The following GEN1 variants were observed in gnomAD, a reference collection of about 807,000 sequenced individuals.
GEN1 encodes GEN1 structure-specific endonuclease, also known as flap endonuclease GEN homolog 1.
In GEN1, 64 loss-of-function variants were observed where a neutral mutation model predicts 67.6. The ratio of observed to expected loss-of-function variants is 0.95; its 90% CI spans 0.77 to 1.17. The LOEUF (loss-of-function observed/expected upper bound fraction) is 1.17, where lower values mean the gene tolerates loss of function less well. Among genes scored for constraint, GEN1 ranks in the 50% most tolerant of loss-of-function variants. The pLI, the probability that GEN1 is intolerant of heterozygous loss-of-function variation, is 0.00. For synonymous variants in GEN1, 371 were observed against 359.4 expected (o/e 1.03, Z -0.37); for missense variants, 1,058 against 1,048.3 (o/e 1.01, Z -0.13).
chr2:17,782,221 C>T lies in GEN1; in HGVS notation c.*282C>T. 1 of 216,420 alleles carries T rather than the reference C, an allele frequency of 4.6e-6. No individual in the cohort carries two copies. The highest frequency in any genetic ancestry group is 9.0e-6 in the Non-Finnish European group (1 of 110,914). The allele number at this position is 216,420 out of a possible 1,614,324, so 13.4% of individuals were successfully genotyped here. On this transcript the variant is annotated 3_prime_UTR_variant, in exon 14 of 14. Coordinates refer to ENST00000381254, the MANE Select transcript of GEN1 (RefSeq NM_001130009.3). ...GGTATAGTACTTGACAGAGTAAATA[C>T]TTCATCTGATTGTTCATTTTTACTT...
At chr2:17,754,419 G>T (rs376475943) in intron 1 of GEN1, 74 bp downstream of exon 1, 1 of 152,072 alleles carries the variant, frequency 6.6e-6, no homozygotes, top group Admixed American at 6.5e-5. Context: ...TCTGGCTTAC[G>T]GACGAGCTCT....
chr2:17,763,643 C>G (rs1047587847), intron 3 of GEN1, among the ~76,000 whole-genome samples: 1 of 152,162 alleles, frequency 6.6e-6, no homozygotes, highest in African/African-American at 2.4e-5. Context: ...TTGCAACAGC[C>G]TTATAGGAAA....
chr2:17,772,726 G>T lies in GEN1; in HGVS notation c.895G>T (p.Glu299Ter). The T allele has an allele frequency of 1.2e-6, 2 of 1,612,114 alleles. No individual in the cohort carries two copies. The highest frequency in any genetic ancestry group is 1.7e-6 in the Non-Finnish European group (2 of 1,178,610). The change falls in exon 8 of 14, where the codon GAG becomes TAG. Residue 299 changes from glutamate to a stop codon, truncating the protein, a stop_gained. Transcript: ENST00000381254. LOFTEE classifies it high-confidence loss of function. ...TGACTATGAATACTGCTGTCCTTGTGAGTGGCACCGTACAGAACATGATAG... is the reference window on the plus strand; with the variant it reads ...TGACTATGAATACTGCTGTCCTTGTTAGTGGCACCGTACAGAACATGATAG... ...PHDYEYCCPCEWHRTEHDRQL... is the reference protein window; with the variant it reads ...PHDYEYCCPC
Position 17,781,254 on chromosome 2 carries a change from AATT to A in GEN1, c.2045_2047del (p.Leu682del), listed in dbSNP as rs1190529312. On this transcript the variant is annotated inframe_deletion, in exon 14 of 14. Coordinates refer to ENST00000381254, the MANE Select transcript of GEN1 (RefSeq NM_001130009.3). ...CCTTTAAAGGAACGAATATTTACAAAATTATCATATCCTCAGGATAATCTACAA... is the reference window on the plus strand; with the variant it reads ...CCTTTAAAGGAACGAATATTTACAAAATCATATCCTCAGGATAATCTACAA... The A allele has an allele frequency of 6.2e-7, 1 of 1,613,506 alleles. No individual in the cohort carries two copies. Among genetic ancestry groups the A allele is most frequent in the Non-Finnish European group, 8.5e-7 (1 of 1,179,614 alleles).
At chr2:17,772,540 A>G in intron 7 of GEN1, 94 bp from the exon 8 acceptor site, 1 of 1,127,944 alleles carries the variant, frequency 8.9e-7, no homozygotes, top group East Asian at 2.5e-5. Flanking sequence ...GGCAATATTA[A>G]TTTTGGAAAA....
At position 17,765,748 on chromosome 2, in the gene GEN1, A is replaced by C. The variant is rs532044625; in HGVS notation, c.525+675A>C. 2.6e-5 allele frequency among the ~76,000 whole-genome samples: 4 copies of C among 152,366 alleles called. No homozygotes were observed. The East Asian group carries it at 7.7e-4, about 29-fold the overall frequency. ...AGTCATTGAAAAGGCTATTATTGAC[A>C]TAAAAGATATCCAGACATATTAATG... is the stretch of plus-strand genomic sequence containing the variant. On this transcript the variant is annotated intron_variant, in intron 4 of 13. Transcript: ENST00000381254.
rs1243670341 is a variant in GEN1 at position 17,784,378 on chromosome 2, G to A, written c.*2439G>A. The stretch of plus-strand genomic sequence containing the variant: ...CATGCTGGTAGGAATGTAAAATGGG[G>A]CAGCCACTTTGGAAAAAGTCTGGTA... On this transcript the variant is annotated 3_prime_UTR_variant, in exon 14 of 14. Coordinates refer to ENST00000381254, the MANE Select transcript of GEN1 (RefSeq NM_001130009.3). The A allele has an allele frequency of 6.6e-6, 1 of 152,172 alleles. No homozygotes were observed. The highest frequency in any genetic ancestry group is 2.1e-4 in the South Asian group (1 of 4,828). 9.4% of individuals were successfully genotyped at this position (152,172 alleles called of 1,614,324 possible). A position where few individuals can be genotyped will look rare whatever the true frequency, so the allele number is the denominator to read the frequency against.
intron 11 of GEN1, among the ~76,000 whole-genome samples, chr2:17,776,725 C>T (rs905922101): frequency 2.6e-5 from 4 of 152,084 alleles, no homozygotes; most frequent in Admixed American, 1.3e-4. Context: ...TTCAAAGTAC[C>T]GAGTAAAAAT....
intron 13 of GEN1, among the ~76,000 whole-genome samples, chr2:17,780,408 T>C (rs1243022593): frequency 6.6e-6 from 1 of 152,210 alleles, no homozygotes; most frequent in Non-Finnish European, 1.5e-5. Flanking sequence ...TTTTAAATGT[T>C]TTCTTTATTT....
Position 17,776,218 on chromosome 2 carries a change from G to T in GEN1, c.1203-1784G>T, listed in dbSNP as rs565578739. Among the ~76,000 whole-genome samples the T allele has an allele frequency of 7.2e-5, 11 of 151,884 alleles. No homozygotes were observed. In the South Asian group the frequency reaches 2.3e-3, roughly 32 times the overall value. ...AACGTTCTGTGGAGCTATTATCCTGGACTCTTCAAAAATAAAAAATATCTA... is the reference window on the plus strand; with the variant it reads ...AACGTTCTGTGGAGCTATTATCCTGTACTCTTCAAAAATAAAAAATATCTA... On this transcript the variant is annotated intron_variant, in intron 11 of 13. Coordinates refer to ENST00000381254, the MANE Select transcript of GEN1 (RefSeq NM_001130009.3).
chr2:17,780,727 C>G lies in GEN1; in HGVS notation c.1515C>G (p.Ser505=). The G allele has an allele frequency of 6.2e-7, 1 of 1,613,818 alleles. No homozygotes were observed. Among genetic ancestry groups the G allele is most frequent in the Non-Finnish European group, 8.5e-7 (1 of 1,179,816 alleles). Residue 505 remains serine, a synonymous_variant, in exon 14 of 14, where the codon TCC becomes TCG. Transcript: ENST00000381254. ...GTGAAATCTTTCATAAGCAGAATTC[C>G]AAGTTAAATTCGGGGATTTCCCCTG... ...PTCEIFHKQN[S]KLNSGISPDP...
chr2:17,772,950 T>A (rs1215993030), intron 8 of GEN1, 146 bp from the exon 9 acceptor site: 1 of 800,456 alleles, frequency 1.2e-6, no homozygotes, highest in African/African-American at 1.8e-5. Flanking sequence ...GAGATAGTAA[T>A]GTAATAGTTA....
In GEN1 at chr2:17,760,023, T is replaced by C; in HGVS notation, c.80T>C (p.Ile27Thr). 3 of 1,614,140 alleles carry C rather than the reference T, an allele frequency of 1.9e-6. No homozygotes were observed. The highest frequency in any genetic ancestry group is 2.5e-6 in the Non-Finnish European group (3 of 1,180,020). The change falls in exon 2 of 14, where the codon ATT (isoleucine) becomes ACT (threonine). Residue 27 changes from isoleucine to threonine, a missense_variant. Transcript: ENST00000381254. ...IPLRNLGGKTIAVDLSLWVCE... is the reference protein window; with the variant it reads ...IPLRNLGGKTTAVDLSLWVCE... ...TTGCGTAATCTTGGTGGGAAAACCA[T>C]TGCAGTTGATCTGAGTCTCTGGGTG...
At chr2:17,770,439 C>G (rs1672127649) in intron 6 of GEN1, among the ~76,000 whole-genome samples, 1 of 152,100 alleles carries the variant, frequency 6.6e-6, no homozygotes, top group African/African-American at 2.4e-5. Flanking sequence ...GTACCAGATA[C>G]TGCACAATGA....
upstream of GEN1, chr2:17,753,835 C>A (rs562639283): frequency 6.6e-6 from 1 of 152,406 alleles, no homozygotes; most frequent in East Asian, 1.9e-4. Flanking sequence ...CCCTCCCTCC[C>A]TTCGGGCTCC....
rs1326805845 is a variant in GEN1, at chr2:17,778,163, CATAG to C, written c.1264+104_1264+107del. The C allele has an allele frequency of 2.8e-4, 132 of 478,656 alleles. 1 individual carries two copies. Among genetic ancestry groups the C allele is most frequent in the African/African-American group, 1.5e-3 (66 of 43,554 alleles). The allele number at this position is 478,656 out of a possible 1,614,324, so 29.7% of individuals were successfully genotyped here. ...GTATATATATATATATACACACACA[CATAG>C]ATATGTGTATATATATATATACACA... On this transcript the variant is annotated intron_variant, in intron 12 of 13. Transcript: ENST00000381254.
chr2:17,766,635 TA>T lies in GEN1; in HGVS notation c.583del (p.Arg195GlufsTer7), dbSNP rs754767449. 1 of 1,610,394 alleles carries T rather than the reference TA, an allele frequency of 6.2e-7. No individual in the cohort carries two copies. Among genetic ancestry groups the T allele is most frequent in the African/African-American group, 1.3e-5 (1 of 74,832 alleles). On this transcript the variant is annotated frameshift_variant, in exon 5 of 14. Transcript: ENST00000381254. LOFTEE classifies it high-confidence loss of function. ...CTATCAAGAGTAAACTAGGTTTGGATAGAGATGCTCTGGTTGGATTAGCAAT... is the reference window on the plus strand; with the variant it reads ...CTATCAAGAGTAAACTAGGTTTGGATGAGATGCTCTGGTTGGATTAGCAAT... ...SSIKSKLGLDRDALVGLAILL... is the reference protein window; with the variant it reads ...SSIKSKLGLDXDALVGLAILL...
chr2:17,761,383 T>C lies in GEN1; in HGVS notation c.162-13T>C. 1 of 1,411,008 alleles carries C rather than the reference T, an allele frequency of 7.1e-7. No homozygotes were observed. The allele number at this position is 1,411,008 out of a possible 1,614,324, so 87.4% of individuals were successfully genotyped here. On this transcript the variant is annotated splice_polypyrimidine_tract_variant and intron_variant, in intron 2 of 13. Transcript: ENST00000381254. ...GTTTGATGATTAATGTATTACTAAT[T>C]TATATATTTCAGGAACTTATTTTTT... is the stretch of plus-strand genomic sequence containing the variant.
Position 17,766,629 on chromosome 2 carries a change from T to G in GEN1, c.576T>G (p.Gly192=). The G allele has an allele frequency of 6.2e-7, 1 of 1,610,558 alleles. No individual in the cohort carries two copies. The part of the protein sequence containing the change: ...YTMSSIKSKL[G]LDRDALVGLA... ...TGTCATCTATCAAGAGTAAACTAGGTTTGGATAGAGATGCTCTGGTTGGAT... is the reference window on the plus strand; with the variant it reads ...TGTCATCTATCAAGAGTAAACTAGGGTTGGATAGAGATGCTCTGGTTGGAT... Residue 192 remains glycine, a synonymous_variant, in exon 5 of 14, where the codon GGT becomes GGG. Coordinates refer to ENST00000381254, the MANE Select transcript of GEN1 (RefSeq NM_001130009.3).
Sources: gnomAD v4.1 joint callset for allele counts (sites outside exome capture counted in the v4.1 genomes callset) on GRCh38, gnomAD v4.1.1 for gene constraint, MANE v1.5 for transcripts, NCBI Gene and HGNC (gene_info 2026-07-23, HGNC 2026-07-21) for gene names.